The following PDPK1 variants were observed in gnomAD, a reference collection of about 807,000 sequenced individuals.
PDPK1 encodes the protein 3-phosphoinositide-dependent protein kinase 1.
A neutral mutation model predicts 39.8 loss-of-function variants in PDPK1; 7 were observed. That is an observed-to-expected ratio of 0.18 (90% CI 0.10 to 0.33). The LOEUF is 0.33. PDPK1 is among the 10% of genes least tolerant of loss of function. PDPK1 has a pLI of 1.00. For missense variants in PDPK1, 182 were observed against 384.7 expected, an observed-to-expected ratio of 0.47 and a Z score of 4.41; for synonymous variants, 118 against 159.1, an observed-to-expected ratio of 0.74 and a Z score of 1.95.
Position 2,599,980 on chromosome 16 carries a change from G to A in PDPK1, c.*2213G>A, listed in dbSNP as rs1254920811. The A allele has an allele frequency of 2.6e-5, 6 of 233,104 alleles. No homozygotes were observed. The highest frequency in any genetic ancestry group is 5.6e-5 in the Admixed American group (1 of 17,782). The allele number at this position is 233,104 out of a possible 1,614,324, so 14.4% of individuals were successfully genotyped here. A position where few individuals can be genotyped will look rare whatever the true frequency, so the allele number is the denominator to read the frequency against. On this transcript the variant is annotated 3_prime_UTR_variant, in exon 14 of 14. Transcript: ENST00000342085. ...GGGCTCAGAGCCAGAGCTGGCAGCC[G>A]CCAGCCAAAATGATGCCATTGCCTG...
rs2067125301 is a variant in PDPK1, at chr16:2,597,395, T to C, written c.1554+120T>C. The C allele has an allele frequency of 4.4e-6, 4 of 917,658 alleles. No individual in the cohort carries two copies. In the Admixed American group the frequency reaches 9.0e-5, roughly 21 times the overall value. The allele number at this position is 917,658 out of a possible 1,614,324, so 56.8% of individuals were successfully genotyped here. ...GGGGATCGGGGCAGCTGCCTCGCCC[T>C]TTCCGACATCCCAGACGCCCACACT... is the stretch of plus-strand genomic sequence containing the variant. On this transcript the variant is annotated intron_variant, in intron 13 of 13. Coordinates refer to ENST00000342085, the MANE Select transcript of PDPK1 (RefSeq NM_002613.5). This position sits in a 1 kb window ranked among gnomAD's most constrained non-coding sequence, Gnocchi z 6.3.
chr16:2,590,786 T>C (rs1325537924), intron 11 of PDPK1, among the ~76,000 whole-genome samples: 1 of 152,168 alleles, frequency 6.6e-6, no homozygotes, highest in Non-Finnish European at 1.5e-5. Context: ...AAAGACTTTT[T>C]TTAGCTATGT....
chr16:2,595,874 C>T (rs1179624493), intron 12 of PDPK1, 24 bp downstream of exon 12: 1 of 1,589,022 alleles, frequency 6.3e-7, no homozygotes, highest in East Asian at 2.2e-5. Flanking sequence ...GGTCCCGCTG[C>T]TCCGCACGGA....
At chr16:2,591,645 C>G (rs1326560862) in intron 11 of PDPK1, among the ~76,000 whole-genome samples, 1 of 152,170 alleles carries the variant, frequency 6.6e-6, no homozygotes, top group Non-Finnish European at 1.5e-5. Context: ...CCGTGTTCTT[C>G]CGCCTGAACA....
At chr16:2,592,235 TGGTCACCCCTTG>T (rs1229780835) in intron 11 of PDPK1, among the ~76,000 whole-genome samples, 1 of 152,188 alleles carries the variant, frequency 6.6e-6, no homozygotes, top group Non-Finnish European at 1.5e-5. Flanking sequence ...GGGTTTTCTA[TGGTCACCCCTTG>T]TGGATTGCCC....
chr16:2,541,340 G>A (rs564730647), intron 1 of PDPK1, among the ~76,000 whole-genome samples: 7 of 152,330 alleles, frequency 4.6e-5, no homozygotes, highest in African/African-American at 1.7e-4. Flanking sequence ...CAGGGCAGCT[G>A]ATTGACACCG....
At chr16:2,546,091 C>CT (rs35595994) in intron 1 of PDPK1, among the ~76,000 whole-genome samples, 2 of 151,388 alleles carry the variant, frequency 1.3e-5, no homozygotes, top group African/African-American at 2.4e-5. Context: ...CTAAAGGTAA[C>CT]TTTTTTTTTC....
chr16:2,538,180 G>GCCGGGTCCGGCGGCCGC, intron 1 of PDPK1, 44 bp downstream of exon 1: 6 of 1,028,182 alleles, frequency 5.8e-6, no homozygotes, highest in Non-Finnish European at 7.0e-6. Flanking sequence ...TTGTTACCCT[G>GCCGGGTCCGGCGGCCGC]CCGGGTCCGG....
chr16:2,587,434 T>C (rs2066900216), intron 11 of PDPK1, among the ~76,000 whole-genome samples: 4 of 152,246 alleles, frequency 2.6e-5, no homozygotes, highest in Non-Finnish European at 2.9e-5. Flanking sequence ...TTGAGGCAGA[T>C]GTCTCCTGTG....
At chr16:2,591,188 C>T (rs567744400) in intron 11 of PDPK1, among the ~76,000 whole-genome samples, 2 of 152,264 alleles carry the variant, frequency 1.3e-5, no homozygotes, top group East Asian at 3.9e-4. Context: ...GTCTCAAACT[C>T]CTGACCTCAA....
chr16:2,546,526 G>T (rs372130201), intron 1 of PDPK1, among the ~76,000 whole-genome samples: 1 of 152,186 alleles, frequency 6.6e-6, no homozygotes, highest in Non-Finnish European at 1.5e-5. Flanking sequence ...TAGAGATGGG[G>T]TTTCACCATG....
At chr16:2,589,618 A>T (rs2066946925) in intron 11 of PDPK1, among the ~76,000 whole-genome samples, 1 of 151,330 alleles carries the variant, frequency 6.6e-6, no homozygotes, top group African/African-American at 2.4e-5. Flanking sequence ...GAGCCTTGGA[A>T]GTTGAAGCTG....
Position 2,597,923 on chromosome 16 carries a change from A to G in PDPK1, c.*156A>G. ...ATTTTTATTTAAAAGAAAAGAAGAA[A>G]AAAAACACCCAACCACACAAAGAAC... On this transcript the variant is annotated 3_prime_UTR_variant, in exon 14 of 14. Coordinates refer to ENST00000342085, the MANE Select transcript of PDPK1 (RefSeq NM_002613.5). This position sits in a 1 kb window ranked among gnomAD's most constrained non-coding sequence, Gnocchi z 6.3. 1 of 593,452 alleles carries G rather than the reference A, an allele frequency of 1.7e-6. No individual in the cohort carries two copies. The highest frequency in any genetic ancestry group is 3.0e-6 in the Non-Finnish European group (1 of 334,188). The allele number at this position is 593,452 out of a possible 1,614,324, so 36.8% of individuals were successfully genotyped here.
chr16:2,589,913 C>T (rs1010207869), intron 11 of PDPK1, among the ~76,000 whole-genome samples: 6 of 152,144 alleles, frequency 3.9e-5, no homozygotes, highest in South Asian at 2.1e-4. Context: ...ACAAAGCCTC[C>T]GGCTGCAGCA....
At chr16:2,538,269 G>C in intron 1 of PDPK1, 133 bp downstream of exon 1, 1 of 350,732 alleles carries the variant, frequency 2.9e-6, no homozygotes, top group Non-Finnish European at 4.1e-6. Flanking sequence ...CCGGGCGGCC[G>C]GGCCGGGGAT....
chr16:2,587,989 G>T (rs990518106), intron 11 of PDPK1, among the ~76,000 whole-genome samples: 1 of 152,128 alleles, frequency 6.6e-6, no homozygotes, highest in African/African-American at 2.4e-5. Flanking sequence ...GTGGGGAGAG[G>T]GCCTTGCAGG....
At chr16:2,577,395 T>G (rs759861696) in intron 6 of PDPK1, 30 bp from the exon 7 acceptor site, 1 of 941,440 alleles carries the variant, frequency 1.1e-6, no homozygotes, top group East Asian at 2.5e-5. Context: ...AGATCGTGAG[T>G]CCGAGTGTGA....
rs1024754882 is a variant in PDPK1, at chr16:2,598,248, C to T, written c.*481C>T. On this transcript the variant is annotated 3_prime_UTR_variant, in exon 14 of 14. Transcript: ENST00000342085. ...ACTCTTCACCAGGGAGGGAGCCCTG[C>T]GGGGGCCGCAGCTTTGTGGAGGGAG... 60 of 234,622 alleles carry T rather than the reference C, an allele frequency of 2.6e-4. 1 individual carries two copies. The highest frequency in any genetic ancestry group is 6.0e-5 in the East Asian group (1 of 16,616). 14.5% of individuals were successfully genotyped at this position (234,622 alleles called of 1,614,324 possible).
chr16:2,585,247 G>A (rs1259623004), intron 10 of PDPK1, among the ~76,000 whole-genome samples: 1 of 152,224 alleles, frequency 6.6e-6, no homozygotes, highest in East Asian at 1.9e-4. Context: ...GTGAAGCCAG[G>A]CTCCATTTGT....
Sources: allele counts gnomAD v4.1 joint callset (sites outside exome capture counted in the v4.1 genomes callset), GRCh38; gene constraint gnomAD v4.1.1; non-coding constraint Gnocchi (gnomAD v3.1); transcripts MANE v1.5; gene names NCBI Gene and HGNC (gene_info 2026-07-23, HGNC 2026-07-21).